PCDH9: variants seen among roughly 807,000 people sequenced by gnomAD.
The protein encoded by PCDH9 is protocadherin-9.
Under a neutral mutation model 70.6 loss-of-function variants are expected in PCDH9, and 24 were observed. That is an observed-to-expected ratio of 0.34 (90% CI 0.25 to 0.48). The LOEUF (loss-of-function observed/expected upper bound fraction) is 0.48. PCDH9 is among the 20% of genes least tolerant of loss of function. The pLI, the probability that PCDH9 is intolerant of heterozygous loss-of-function variation, is 0.99. For missense variants in PCDH9, 1,281 were observed against 1,503.6 expected, an observed-to-expected ratio of 0.85 and a Z score of 2.45; for synonymous variants, 562 against 558.5, an observed-to-expected ratio of 1.01 and a Z score of -0.09.
intron 2 of PCDH9, among the ~76,000 whole-genome samples, chr13:67,142,488 A>G (rs992182830): frequency 3.0e-4 from 45 of 152,324 alleles, no homozygotes; most frequent in African/African-American, 1.0e-3. Context: ...TTAAATGAAA[A>G]TAAAGGTGAC....
chr13:66,392,692 T>C (rs1957039588), intron 4 of PCDH9, among the ~76,000 whole-genome samples: 1 of 152,180 alleles, frequency 6.6e-6, no homozygotes, highest in African/African-American at 2.4e-5. Context: ...AATTGCACTC[T>C]CATTTCTTAT....
chr13:67,195,826 A>G (rs1041624428), intron 2 of PCDH9, among the ~76,000 whole-genome samples: 6 of 152,200 alleles, frequency 3.9e-5, no homozygotes, highest in Non-Finnish European at 8.8e-5. Flanking sequence ...CTCCATGTAT[A>G]TGGGAACAGA....
At chr13:66,786,320 C>G (rs752720457) in intron 3 of PCDH9, among the ~76,000 whole-genome samples, 12 of 152,180 alleles carry the variant, frequency 7.9e-5, no homozygotes, top group Non-Finnish European at 1.8e-4. Context: ...ATGACCACCT[C>G]CAATCAAGAA....
chr13:67,055,792 G>T (rs574481628), intron 2 of PCDH9, among the ~76,000 whole-genome samples: 2 of 152,118 alleles, frequency 1.3e-5, no homozygotes, highest in East Asian at 3.9e-4. Flanking sequence ...GTGAGACCTT[G>T]TATCCAAAAA....
chr13:66,834,304 C>A (rs998408153), intron 3 of PCDH9, among the ~76,000 whole-genome samples: 7 of 151,792 alleles, frequency 4.6e-5, no homozygotes, highest in Non-Finnish European at 7.4e-5. Context: ...ATTACAGAAG[C>A]CCACCACCAC....
At chr13:67,131,038 A>G (rs7335735) in intron 2 of PCDH9, among the ~76,000 whole-genome samples, 35,298 of 152,116 alleles carry the variant, frequency 0.23, 4,205 homozygotes, top group Middle Eastern at 0.28. Context: ...TAATTAGAAG[A>G]GAAATGTGCT....
chr13:66,385,050 C>T (rs56093150), intron 4 of PCDH9, among the ~76,000 whole-genome samples: 36,465 of 151,934 alleles, frequency 0.24, 4,504 homozygotes, highest in Non-Finnish European at 0.27. Flanking sequence ...GTAATCACTG[C>T]TTTATTCTCT....
intron 4 of PCDH9, among the ~76,000 whole-genome samples, chr13:66,468,769 C>T (rs1958561453): frequency 1.3e-5 from 2 of 152,168 alleles, no homozygotes; most frequent in South Asian, 4.1e-4. Flanking sequence ...ACAAGTATCA[C>T]TTTGGTAATG....
chr13:67,225,098 AT>A, intron 2 of PCDH9: 1 of 1,240,792 alleles, frequency 8.1e-7, no homozygotes, highest in Non-Finnish European at 1.0e-6. Context: ...AATTTGGCAT[AT>A]CAGGACAGGT....
At chr13:66,915,463 C>G (rs1303738775) in intron 2 of PCDH9, among the ~76,000 whole-genome samples, 5 of 151,346 alleles carry the variant, frequency 3.3e-5, no homozygotes, top group African/African-American at 9.7e-5. Context: ...TTTTTCTTAT[C>G]ATTTGATTAC....
intron 2 of PCDH9, among the ~76,000 whole-genome samples, chr13:67,189,871 GA>G (rs902772945): frequency 4.7e-4 from 69 of 146,710 alleles, no homozygotes; most frequent in African/African-American, 1.1e-3. Context: ...TTGTCTTCAA[GA>G]AAAAAAAAAT....
chr13:67,128,198 C>T (rs2087025895), intron 2 of PCDH9, among the ~76,000 whole-genome samples: 1 of 152,136 alleles, frequency 6.6e-6, no homozygotes, highest in African/African-American at 2.4e-5. Context: ...AACAGATCAT[C>T]ATCATAAGGG....
intron 2 of PCDH9, among the ~76,000 whole-genome samples, chr13:66,931,774 T>G (rs972425467): frequency 6.6e-6 from 1 of 152,148 alleles, no homozygotes; most frequent in Non-Finnish European, 1.5e-5. Flanking sequence ...TACTCTGGTT[T>G]AATATTATTA....
chr13:66,583,102 C>CTTT (rs375846984), intron 4 of PCDH9, among the ~76,000 whole-genome samples: 18 of 125,508 alleles, frequency 1.4e-4, no homozygotes, highest in African/African-American at 4.8e-4. Flanking sequence ...TATGTGCATG[C>CTTT]TTTTTTTTTT....
At chr13:66,714,251 T>A (rs112384599) in intron 3 of PCDH9, among the ~76,000 whole-genome samples, 9 of 151,974 alleles carry the variant, frequency 5.9e-5, no homozygotes, top group African/African-American at 2.2e-4. Context: ...GGATCACAAG[T>A]TCAGGAGATC....
At chr13:66,429,442 T>TTTTA (rs10665033) in intron 4 of PCDH9, among the ~76,000 whole-genome samples, 1 of 150,598 alleles carries the variant, frequency 6.6e-6, no homozygotes, top group Non-Finnish European at 1.5e-5. Flanking sequence ...TTTTTTTTTT[T>TTTTA]AATATTTTGC....
chr13:67,053,033 G>T (rs963712299), intron 2 of PCDH9, among the ~76,000 whole-genome samples: 1 of 152,086 alleles, frequency 6.6e-6, no homozygotes, highest in African/African-American at 2.4e-5. Context: ...GGGTGGAGAG[G>T]TTTTGAGCTA....
At chr13:67,165,457 C>T (rs1007786985) in intron 2 of PCDH9, among the ~76,000 whole-genome samples, 7 of 151,944 alleles carry the variant, frequency 4.6e-5, no homozygotes, top group Non-Finnish European at 8.8e-5. Context: ...TACTATTCTG[C>T]GATTAAAATA....
At chr13:67,187,186 A>G (rs1701008428) in intron 2 of PCDH9, among the ~76,000 whole-genome samples, 1 of 152,164 alleles carries the variant, frequency 6.6e-6, no homozygotes, top group Non-Finnish European at 1.5e-5. Flanking sequence ...GAACAAACAC[A>G]CCCAACGACT....
Sources: allele counts gnomAD v4.1 joint callset (sites outside exome capture counted in the v4.1 genomes callset), GRCh38; gene constraint gnomAD v4.1.1; transcripts MANE v1.5; gene names NCBI Gene and HGNC (gene_info 2026-07-23, HGNC 2026-07-21).